ELMOD3: variants seen among roughly 807,000 people sequenced by gnomAD.
The protein encoded by ELMOD3 is ELMO domain containing 3, also known as ELMO domain-containing protein 3.
A neutral mutation model predicts 47.4 loss-of-function variants in ELMOD3; 36 were observed. That is an observed-to-expected ratio of 0.76 (90% CI 0.58 to 1.00). The LOEUF (loss-of-function observed/expected upper bound fraction) is 1.00, where lower values mean the gene tolerates loss of function less well. ELMOD3 is among the 50% of genes least tolerant of loss of function. ELMOD3 has a pLI of 0.00. For missense variants in ELMOD3, 404 were observed against 463.8 expected (o/e 0.87, Z 1.18); for synonymous variants, 149 against 183.5 (o/e 0.81, Z 1.52).
Position 85,357,134 on chromosome 2 carries a change from C to A in ELMOD3, c.-65C>A. The A allele has an allele frequency of 8.5e-7, 1 of 1,180,084 alleles. No homozygotes were observed. Among genetic ancestry groups the A allele is most frequent in the South Asian group, 1.3e-5 (1 of 74,976 alleles). 73.1% of individuals were successfully genotyped at this position (1,180,084 alleles called of 1,614,324 possible). A position where few individuals can be genotyped will look rare whatever the true frequency, so the allele number is the denominator to read the frequency against. ...TGGCTCTCCACATAGCTTCTGATCT[C>A]AGACCTTACTAAAATGCTTTCTGGG... On this transcript the variant is annotated 5_prime_UTR_variant, in exon 4 of 14. Coordinates refer to ENST00000409013, the MANE Select transcript of ELMOD3 (RefSeq NM_001135022.2).
chr2:85,364,593 AAAAG>A (rs566880521), intron 6 of ELMOD3, among the ~76,000 whole-genome samples: 3,192 of 151,324 alleles, frequency 0.021, 105 homozygotes, highest in African/African-American at 0.073. Context: ...AAAAAAAAAA[AAAAG>A]AGACAGGTTC....
chr2:85,386,559 G>A (rs902742650), intron 11 of ELMOD3, among the ~76,000 whole-genome samples: 3 of 151,848 alleles, frequency 2.0e-5, no homozygotes, highest in African/African-American at 4.8e-5. Flanking sequence ...TAATTTTTGC[G>A]TTTTTAGGAG....
Position 85,357,189 on chromosome 2 carries a change from A to G in ELMOD3, c.-10A>G. 6.2e-7 allele frequency: 1 copy of G among 1,604,578 alleles called. No individual in the cohort carries two copies. On this transcript the variant is annotated 5_prime_UTR_variant, in exon 4 of 14. An upstream open reading frame in the 5' UTR loses its in-frame stop. Transcript: ENST00000409013. ...AGGACAAAGCTCACATGAACAAATG[A>G]TTTTGAGTCATGAATGAAAAATCTT...
intron 3 of ELMOD3, chr2:85,355,881 G>C (rs2104455863): frequency 6.6e-6 from 1 of 152,370 alleles, no homozygotes; most frequent in African/African-American, 2.4e-5. Flanking sequence ...CACATGTCAA[G>C]CCCAAGAGCC....
At chr2:85,390,474 T>A (rs1431572546) in intron 13 of ELMOD3, 1 of 1,613,646 alleles carries the variant, frequency 6.2e-7, no homozygotes, top group Non-Finnish European at 8.5e-7. Flanking sequence ...TCTGGTCTTA[T>A]ACTTATGACA....
intron 11 of ELMOD3, among the ~76,000 whole-genome samples, chr2:85,380,578 G>A (rs1338460275): frequency 6.6e-6 from 1 of 152,136 alleles, no homozygotes; most frequent in Non-Finnish European, 1.5e-5. Flanking sequence ...AGGGTGAAGT[G>A]CAAGTGGTGC....
intron 6 of ELMOD3, chr2:85,367,703 AAAAACAAAAAG>A (rs1223537903): frequency 2.0e-5 from 3 of 152,230 alleles, no homozygotes; most frequent in African/African-American, 7.2e-5. Flanking sequence ...CAAAAAATTT[AAAAACAAAAAG>A]AAAAGAAAAA....
In ELMOD3 at chr2:85,357,266, C is replaced by G; in HGVS notation, c.54+14C>G. 6.4e-7 allele frequency: 1 copy of G among 1,561,684 alleles called. No homozygotes were observed. The highest frequency in any genetic ancestry group is 8.8e-7 in the Non-Finnish European group (1 of 1,138,222). On this transcript the variant is annotated intron_variant, in intron 4 of 13. Transcript: ENST00000409013. ...AGAGATGGACAGGTAAGCATGCACTCTTATTTGGGAAAGGTGGTGTTGGTT... is the reference window on the plus strand; with the variant it reads ...AGAGATGGACAGGTAAGCATGCACTGTTATTTGGGAAAGGTGGTGTTGGTT...
intron 4 of ELMOD3, among the ~76,000 whole-genome samples, chr2:85,359,602 G>A (rs1683802290): frequency 6.6e-6 from 1 of 151,678 alleles, no homozygotes; most frequent in African/African-American, 2.4e-5. Flanking sequence ...ATACTTTTTT[G>A]TATTTTTAGT....
intron 10 of ELMOD3, 71 bp from the exon 11 acceptor site, chr2:85,377,273 C>G: frequency 7.1e-7 from 1 of 1,412,744 alleles, no homozygotes; most frequent in Non-Finnish European, 9.4e-7. Flanking sequence ...AGTGTCAGGG[C>G]AGCTTCCCAT....
intron 2 of ELMOD3, 188 bp downstream of exon 2, chr2:85,355,358 T>C (rs1683475163): frequency 6.6e-6 from 1 of 152,150 alleles, no homozygotes; most frequent in Non-Finnish European, 1.5e-5. Context: ...TAAATTCCTA[T>C]GCAGAGAATC....
At chr2:85,365,998 G>A (rs546218821) in intron 6 of ELMOD3, among the ~76,000 whole-genome samples, 8 of 151,828 alleles carry the variant, frequency 5.3e-5, no homozygotes, top group Non-Finnish European at 1.0e-4. Flanking sequence ...CACTCTTGGC[G>A]CCCAGGCTAG....
rs1685168080 is a variant in ELMOD3 at position 85,376,375 on chromosome 2, T to C, written c.608-969T>C. ...AGCAGGGGAAGGAGGGACGTCACCA[T>C]GTTACTGCCAGGTGGGGGTGGAAGT... On this transcript the variant is annotated intron_variant, in intron 10 of 13. Coordinates refer to ENST00000409013, the MANE Select transcript of ELMOD3 (RefSeq NM_001135022.2). The surrounding 1 kb of genome is among the most constrained non-coding windows in gnomAD (Gnocchi z 4.2). Among the ~76,000 whole-genome samples the C allele has an allele frequency of 6.6e-6, 1 of 152,186 alleles. No homozygotes were observed. The highest frequency in any genetic ancestry group is 1.5e-5 in the Non-Finnish European group (1 of 68,032).
intron 11 of ELMOD3, among the ~76,000 whole-genome samples, chr2:85,380,772 G>A (rs763777047): frequency 7.2e-5 from 11 of 152,104 alleles, no homozygotes; most frequent in African/African-American, 1.4e-4. Flanking sequence ...TGATGTGCTC[G>A]CCTCAGTCTC....
At chr2:85,369,070 A>T (rs928730605) in intron 7 of ELMOD3, among the ~76,000 whole-genome samples, 15 of 152,128 alleles carry the variant, frequency 9.9e-5, no homozygotes, top group African/African-American at 3.6e-4. Flanking sequence ...GGGTAGGAGG[A>T]TGGAGATGGG....
chr2:85,375,824 C>T (rs1481007123), intron 10 of ELMOD3, among the ~76,000 whole-genome samples: 1 of 152,196 alleles, frequency 6.6e-6, no homozygotes, highest in African/African-American at 2.4e-5. Context: ...GAAGAGAGTC[C>T]ATTTCCTTGC....
At chr2:85,363,880 C>T (rs1171758564) in intron 6 of ELMOD3, among the ~76,000 whole-genome samples, 1 of 152,218 alleles carries the variant, frequency 6.6e-6, no homozygotes. Flanking sequence ...CACTAGGTCC[C>T]TCCCACAGCA....
chr2:85,366,413 G>A (rs963109065), intron 6 of ELMOD3, among the ~76,000 whole-genome samples: 9 of 152,112 alleles, frequency 5.9e-5, no homozygotes, highest in Admixed American at 3.9e-4. Context: ...CTGCTACTCC[G>A]GACTGGAGCA....
Position 85,362,230 on chromosome 2 carries a change from CAA to C in ELMOD3, c.100_101del (p.Lys34GlufsTer28). 3 of 1,606,608 alleles carry C rather than the reference CAA, an allele frequency of 1.9e-6. No individual in the cohort carries two copies. Among genetic ancestry groups the C allele is most frequent in the Non-Finnish European group, 2.6e-6 (3 of 1,173,190 alleles). ...AGYSPSYDKD[K>X]SVLAFRGIPI... ...GATATTCTCCATCATATGACAAGGACAAGAGTGTTCTGGCTTTCAGAGGAATC... is the reference window on the plus strand; with the variant it reads ...GATATTCTCCATCATATGACAAGGACGAGTGTTCTGGCTTTCAGAGGAATC... On this transcript the variant is annotated frameshift_variant, in exon 5 of 14. Coordinates refer to ENST00000409013, the MANE Select transcript of ELMOD3 (RefSeq NM_001135022.2). LOFTEE classifies it high-confidence loss of function.
Sources: gnomAD v4.1 joint callset for allele counts (sites outside exome capture counted in the v4.1 genomes callset) on GRCh38, gnomAD v4.1.1 for gene constraint, Gnocchi (gnomAD v3.1) non-coding constraint, MANE v1.5 for transcripts, NCBI Gene and HGNC (gene_info 2026-07-23, HGNC 2026-07-21) for gene names.